NTM: variants seen among roughly 807,000 people sequenced by gnomAD.
NTM encodes the protein neurotrimin, also known as IgLON family member 2.
In NTM, 13 loss-of-function variants were observed where a neutral mutation model predicts 42.1. The ratio of observed to expected loss-of-function variants is 0.31; its 90% CI spans 0.20 to 0.49. NTM has a LOEUF of 0.49. Ranked by LOEUF, NTM falls within the 20% of genes least tolerant of loss-of-function variation. NTM has a pLI of 0.99. For missense variants in NTM, 373 were observed against 452.8 expected (o/e 0.82, Z 1.60); for synonymous variants, 187 against 179.2 (o/e 1.04, Z -0.35).
At chr11:131,618,133 A>T (rs1270109756) in intron 1 of NTM, among the ~76,000 whole-genome samples, 2 of 152,276 alleles carry the variant, frequency 1.3e-5, no homozygotes, top group Admixed American at 1.3e-4. Context: ...GACCTTTGGG[A>T]GTGATTTTTA....
At chr11:131,671,849 C>T (rs1269563538) in intron 1 of NTM, among the ~76,000 whole-genome samples, 3 of 152,174 alleles carry the variant, frequency 2.0e-5, no homozygotes, top group Non-Finnish European at 4.4e-5. Context: ...AGAGCTAAGG[C>T]CCCTCTGAAG....
intron 1 of NTM, among the ~76,000 whole-genome samples, chr11:131,719,102 G>C (rs568284655): frequency 6.6e-6 from 1 of 152,134 alleles, no homozygotes; most frequent in African/African-American, 2.4e-5. Flanking sequence ...TAGAGATGAG[G>C]TTTTGCCATG....
chr11:131,413,215 A>G (rs536969992), intron 1 of NTM, among the ~76,000 whole-genome samples: 6 of 152,364 alleles, frequency 3.9e-5, no homozygotes, highest in Non-Finnish European at 8.8e-5. Flanking sequence ...GCTTGCAAAA[A>G]TATTGTTATC....
intron 1 of NTM, among the ~76,000 whole-genome samples, chr11:131,610,352 G>A (rs959090256): frequency 6.6e-6 from 1 of 152,218 alleles, no homozygotes; most frequent in Non-Finnish European, 1.5e-5. Flanking sequence ...ACCAGAAGAG[G>A]AAGAAAGAAA....
At chr11:132,263,898 A>G (rs930650787) in intron 4 of NTM, among the ~76,000 whole-genome samples, 2 of 152,118 alleles carry the variant, frequency 1.3e-5, no homozygotes, top group South Asian at 2.1e-4. Context: ...TCATATTTCT[A>G]CCAATATTAT....
chr11:132,121,951 C>T (rs947978845), intron 2 of NTM, among the ~76,000 whole-genome samples: 1 of 152,190 alleles, frequency 6.6e-6, no homozygotes, highest in Non-Finnish European at 1.5e-5. Context: ...ACACAAATTA[C>T]CTGTATTCTG....
intron 1 of NTM, among the ~76,000 whole-genome samples, chr11:131,677,786 A>T (rs1303962024): frequency 1.3e-5 from 2 of 152,212 alleles, no homozygotes; most frequent in East Asian, 3.9e-4. Flanking sequence ...GTCAGGACTG[A>T]ACAGCACATT....
At chr11:131,826,739 C>T (rs2042180989) in intron 1 of NTM, among the ~76,000 whole-genome samples, 1 of 151,984 alleles carries the variant, frequency 6.6e-6, no homozygotes, top group South Asian at 2.1e-4. Flanking sequence ...GGTTCAGTCT[C>T]AAAAGTCCCT....
chr11:131,574,821 C>T (rs1012856934), intron 1 of NTM, among the ~76,000 whole-genome samples: 2 of 152,190 alleles, frequency 1.3e-5, no homozygotes, highest in East Asian at 1.9e-4. Flanking sequence ...CCCTTGGCAT[C>T]GACGGGGGCT....
Position 131,699,194 on chromosome 11 carries a change from G to A in NTM, c.83-212370G>A, listed in dbSNP as rs7119552. Among the ~76,000 whole-genome samples the A allele has an allele frequency of 3.6e-3, 545 of 152,318 alleles. 2 individuals carry two copies. The highest frequency in any genetic ancestry group is 0.011 in the African/African-American group (446 of 41,566). Reference sequence around the variant, plus strand: ...CACTGAATCTGCACAGATTCTCTGAGCTCAGTCTAGGAAGAGAAGTGGGGC... The same window carrying A: ...CACTGAATCTGCACAGATTCTCTGAACTCAGTCTAGGAAGAGAAGTGGGGC... On this transcript the variant is annotated intron_variant, in intron 1 of 8. Coordinates refer to ENST00000683400, the MANE Select transcript of NTM (RefSeq NM_001352005.2).
chr11:131,603,856 G>A (rs2060694590), intron 1 of NTM, among the ~76,000 whole-genome samples: 1 of 152,186 alleles, frequency 6.6e-6, no homozygotes, highest in South Asian at 2.1e-4. Context: ...TAGCATGCAG[G>A]TTTCATACCC....
intron 1 of NTM, among the ~76,000 whole-genome samples, chr11:131,425,976 G>A (rs964905909): frequency 1.3e-5 from 2 of 152,082 alleles, no homozygotes; most frequent in African/African-American, 4.8e-5. Flanking sequence ...AGAAATCTTG[G>A]ACTCTCACCA....
intron 1 of NTM, among the ~76,000 whole-genome samples, chr11:131,648,629 T>G (rs1207002914): frequency 6.6e-6 from 1 of 152,230 alleles, no homozygotes; most frequent in Non-Finnish European, 1.5e-5. Flanking sequence ...TATTGTGTCC[T>G]GCGACAAGTA....
chr11:132,311,939 TCTTCAGAGGCCC>T (rs1350035740), intron 6 of NTM, among the ~76,000 whole-genome samples: 1 of 150,990 alleles, frequency 6.6e-6, no homozygotes, highest in Non-Finnish European at 1.5e-5. Context: ...CCAGGGACAG[TCTTCAGAGGCCC>T]CTGGCTCAGG....
intron 1 of NTM, among the ~76,000 whole-genome samples, chr11:131,598,848 T>C (rs1169273863): frequency 0.21 from 8,435 of 39,572 alleles, 1,852 homozygotes; most frequent in African/African-American, 0.32. Context: ...TTTCTTTCTT[T>C]CTTCCTTCCT....
chr11:131,900,748 C>T (rs1045917797), intron 1 of NTM, among the ~76,000 whole-genome samples: 7 of 152,264 alleles, frequency 4.6e-5, no homozygotes, highest in Admixed American at 3.9e-4. Flanking sequence ...CTGATTTCAG[C>T]AGTTGGTTGC....
rs537227793 is a variant in NTM, at chr11:131,802,414, C to T, written c.83-109150C>T. 1.4e-4 allele frequency among the ~76,000 whole-genome samples: 21 copies of T among 152,342 alleles called. No homozygotes were observed. The East Asian group carries it at 4.0e-3, about 29-fold the overall frequency. ...TACTCTCCCTCAGAATTCATAATTC[C>T]CTGCTATCGCCTCCAACTCTGCACC... On this transcript the variant is annotated intron_variant, in intron 1 of 8. Transcript: ENST00000683400.
chr11:131,989,409 A>T (rs1028579035), intron 2 of NTM, among the ~76,000 whole-genome samples: 2 of 152,192 alleles, frequency 1.3e-5, no homozygotes, highest in African/African-American at 4.8e-5. Flanking sequence ...TTAAATTACG[A>T]TGTGATATTG....
At chr11:131,813,631 G>A (rs2092828392) in intron 1 of NTM, among the ~76,000 whole-genome samples, 2 of 152,212 alleles carry the variant, frequency 1.3e-5, no homozygotes, top group Admixed American at 1.3e-4. Context: ...GATGCAGACA[G>A]CTCAGCCACG....
Sources: gnomAD v4.1 joint callset for allele counts (sites outside exome capture counted in the v4.1 genomes callset) on GRCh38, gnomAD v4.1.1 for gene constraint, MANE v1.5 for transcripts, NCBI Gene and HGNC (gene_info 2026-07-23, HGNC 2026-07-21) for gene names.